ROBO1: variants seen among roughly 807,000 people sequenced by gnomAD.
The protein encoded by ROBO1 is roundabout homolog 1.
A neutral mutation model predicts 195.9 loss-of-function variants in ROBO1; 149 were observed. That is an observed-to-expected ratio of 0.76 (90% CI 0.67 to 0.87). The LOEUF is 0.87. Among genes scored for constraint, ROBO1 ranks in the 40% least tolerant of loss-of-function variants. The pLI, the probability that ROBO1 is intolerant of heterozygous loss-of-function variation, is 0.00. For missense variants in ROBO1, 1,933 were observed against 2,068.3 expected (o/e 0.93, Z 1.27); for synonymous variants, 816 against 733.2 (o/e 1.11, Z -1.82).
chr3:79,273,756 CA>C (rs2108979694), intron 2 of ROBO1, among the ~76,000 whole-genome samples: 1 of 150,192 alleles, frequency 6.7e-6, no homozygotes, highest in African/African-American at 2.4e-5. Context: ...CTGTTATCAA[CA>C]AGAAGCACAT....
chr3:79,012,378 A>T (rs931096663), intron 3 of ROBO1, among the ~76,000 whole-genome samples: 1 of 152,228 alleles, frequency 6.6e-6, no homozygotes, highest in Non-Finnish European at 1.5e-5. Flanking sequence ...GTGTCAAACT[A>T]GGTGACAAGC....
chr3:79,607,557 T>A (rs998377000), intron 1 of ROBO1, among the ~76,000 whole-genome samples: 1 of 151,364 alleles, frequency 6.6e-6, no homozygotes, highest in Non-Finnish European at 1.5e-5. Flanking sequence ...CCTCATTGCA[T>A]TATAATATTA....
At chr3:78,682,284 T>G (rs1386100458) in intron 10 of ROBO1, among the ~76,000 whole-genome samples, 1 of 151,656 alleles carries the variant, frequency 6.6e-6, no homozygotes, top group Non-Finnish European at 1.5e-5. Flanking sequence ...ACATAAAACT[T>G]GAAATATATA....
chr3:79,687,484 G>A (rs943725098), intron 1 of ROBO1, among the ~76,000 whole-genome samples: 1 of 151,938 alleles, frequency 6.6e-6, no homozygotes, highest in Non-Finnish European at 1.5e-5. Flanking sequence ...TCTGACAAAG[G>A]GCTAATATCC....
At chr3:79,677,701 G>T (rs1946827172) in intron 1 of ROBO1, among the ~76,000 whole-genome samples, 1 of 152,084 alleles carries the variant, frequency 6.6e-6, no homozygotes, top group African/African-American at 2.4e-5. Flanking sequence ...AGAGGCCAAA[G>T]GTGACCTGCA....
At chr3:78,711,326 T>C (rs557336001) in intron 8 of ROBO1, among the ~76,000 whole-genome samples, 2,487 of 96,086 alleles carry the variant, frequency 0.026, 139 homozygotes, top group African/African-American at 0.1. Flanking sequence ...TCTCTCTCTC[T>C]CCTTCCTTCC....
chr3:78,931,534 C>T (rs162170), intron 4 of ROBO1, among the ~76,000 whole-genome samples: 55,871 of 151,880 alleles, frequency 0.37, 11,284 homozygotes, highest in Middle Eastern at 0.48. Context: ...GCATGAGCCA[C>T]CGTGCCCAGC....
chr3:78,747,530 T>C (rs1559811686), intron 4 of ROBO1, among the ~76,000 whole-genome samples: 1 of 152,130 alleles, frequency 6.6e-6, no homozygotes, highest in Admixed American at 6.6e-5. Context: ...GGCACCAATA[T>C]GGATAACAGC....
chr3:79,317,329 T>C (rs1209074495), intron 2 of ROBO1, among the ~76,000 whole-genome samples: 1 of 152,150 alleles, frequency 6.6e-6, no homozygotes, highest in Non-Finnish European at 1.5e-5. Context: ...CCTTCTTCCA[T>C]CTGACCCTCA....
intron 1 of ROBO1, among the ~76,000 whole-genome samples, chr3:79,740,501 G>T (rs1453121473): frequency 6.6e-6 from 1 of 152,000 alleles, no homozygotes; most frequent in Non-Finnish European, 1.5e-5. Flanking sequence ...CCGCATGGCT[G>T]GGGAGGCCTC....
At chr3:79,358,094 G>A (rs1427331337) in intron 2 of ROBO1, among the ~76,000 whole-genome samples, 10 of 152,044 alleles carry the variant, frequency 6.6e-5, no homozygotes, top group South Asian at 4.1e-4. Flanking sequence ...TTCTGGCTTC[G>A]TCACTTACAT....
chr3:78,656,034 T>G (rs1183058900), intron 18 of ROBO1, among the ~76,000 whole-genome samples: 2 of 152,316 alleles, frequency 1.3e-5, no homozygotes, highest in Non-Finnish European at 1.5e-5. Context: ...TTGTTTTAGA[T>G]TTTACTAGCA....
intron 28 of ROBO1, among the ~76,000 whole-genome samples, chr3:78,609,194 T>TA (rs2107313091): frequency 6.6e-6 from 1 of 152,228 alleles, no homozygotes; most frequent in Admixed American, 6.5e-5. Flanking sequence ...GATTTTAAAT[T>TA]AAAAAAATAC....
intron 2 of ROBO1, among the ~76,000 whole-genome samples, chr3:79,198,349 G>A (rs1050243599): frequency 3.3e-5 from 5 of 152,074 alleles, no homozygotes; most frequent in Admixed American, 2.6e-4. Context: ...GATGGTTGTA[G>A]AAGTGTGGTG....
intron 2 of ROBO1, among the ~76,000 whole-genome samples, chr3:79,142,826 C>T (rs1428418922): frequency 1.3e-5 from 2 of 152,030 alleles, no homozygotes; most frequent in African/African-American, 4.8e-5. Context: ...TAAAAATCTG[C>T]TGAGTTCTAT....
chr3:79,652,319 T>C (rs1946034600), intron 1 of ROBO1, among the ~76,000 whole-genome samples: 1 of 146,700 alleles, frequency 6.8e-6, no homozygotes, highest in East Asian at 1.9e-4. Flanking sequence ...ATTCTTTCCA[T>C]TCTCAGACCT....
chr3:78,742,398 A>G (rs945059645), intron 5 of ROBO1, among the ~76,000 whole-genome samples: 3 of 152,216 alleles, frequency 2.0e-5, no homozygotes, highest in African/African-American at 7.2e-5. Context: ...CTATTAAAAA[A>G]AAAACTGGAA....
chr3:78,847,092 CA>C (rs1169596929), intron 4 of ROBO1, among the ~76,000 whole-genome samples: 2 of 151,984 alleles, frequency 1.3e-5, no homozygotes, highest in African/African-American at 4.8e-5. Flanking sequence ...ATCGATTAAT[CA>C]AATCTAGGCT....
At chr3:79,758,426 G>C (rs1164820015) in intron 1 of ROBO1, among the ~76,000 whole-genome samples, 2 of 152,166 alleles carry the variant, frequency 1.3e-5, no homozygotes, top group African/African-American at 4.8e-5. Context: ...TAAATACAGT[G>C]ATATATTGTT....
Sources: allele counts gnomAD v4.1 joint callset (sites outside exome capture counted in the v4.1 genomes callset), GRCh38; gene constraint gnomAD v4.1.1; transcripts MANE v1.5; gene names NCBI Gene and HGNC (gene_info 2026-07-23, HGNC 2026-07-21).